The following TMEM255A variants were observed in gnomAD, a reference collection of about 807,000 sequenced individuals.
The protein encoded by TMEM255A is transmembrane protein 255A, also known as family with sequence similarity 70, member A.
TMEM255A carries 14 observed loss-of-function variants against 23.5 expected under a neutral mutation model. The observed-to-expected ratio is 0.60, with a 90% CI of 0.39 to 0.93. TMEM255A has a LOEUF of 0.93. Among genes scored for constraint, TMEM255A ranks in the 40% least tolerant of loss-of-function variants. The pLI is 0.00. For synonymous variants in TMEM255A, 104 were observed against 100.3 expected, an observed-to-expected ratio of 1.04 and a Z score of -0.22; for missense variants, 233 against 261.7, an observed-to-expected ratio of 0.89 and a Z score of 0.76.
At chrX:120,287,782 G>A (rs1447861578) in intron 4 of TMEM255A, among the ~76,000 whole-genome samples, 7 of 111,803 alleles carry the variant, frequency 6.3e-5, no homozygotes, top group Non-Finnish European at 1.1e-4. Flanking sequence ...TGAACTGTGA[G>A]CCATTTTCAC....
intron 2 of TMEM255A, among the ~76,000 whole-genome samples, chrX:120,299,228 C>T (rs913967014): frequency 1.1e-4 from 12 of 112,149 alleles, no homozygotes; most frequent in Non-Finnish European, 1.9e-5. Context: ...ACTCTAGCCT[C>T]GAACTCCTGG....
chrX:120,305,252 T>G (rs2058056862), intron 1 of TMEM255A, among the ~76,000 whole-genome samples: 1 of 111,514 alleles, frequency 9.0e-6, no homozygotes, highest in African/African-American at 3.3e-5. Context: ...CAAACCAATA[T>G]TTTTTTGAAA....
At chrX:120,265,919 T>C (rs1279134828) in intron 8 of TMEM255A, among the ~76,000 whole-genome samples, 2 of 98,619 alleles carry the variant, frequency 2.0e-5, no homozygotes, top group African/African-American at 7.7e-5. Context: ...CCGAGGCGGG[T>C]GAATCACGAG....
intron 2 of TMEM255A, 138 bp downstream of exon 2, chrX:120,304,211 A>G (rs924612500): frequency 3.0e-6 from 2 of 669,590 alleles, no homozygotes; most frequent in Non-Finnish European, 4.5e-6. Flanking sequence ...TTGCCTCTCC[A>G]CATAAATATA....
At chrX:120,288,940 T>C (rs2057895510) in intron 4 of TMEM255A, among the ~76,000 whole-genome samples, 1 of 111,575 alleles carries the variant, frequency 9.0e-6, no homozygotes, top group South Asian at 3.8e-4. Context: ...AGGAAAGAAA[T>C]ATGAGACAAA....
chrX:120,272,799 T>C (rs1194906495), intron 7 of TMEM255A, among the ~76,000 whole-genome samples: 1 of 101,532 alleles, frequency 9.8e-6, no homozygotes, highest in African/African-American at 3.8e-5. Context: ...TGGAGTGCAA[T>C]GGCACGATCT....
At chrX:120,277,143 C>T in intron 6 of TMEM255A, 96 bp from the exon 7 acceptor site, 1 of 739,535 alleles carries the variant, frequency 1.4e-6, no homozygotes, top group African/African-American at 2.1e-5. Context: ...CCATACAGCT[C>T]AGTGAAAAGA....
downstream of TMEM255A, chrX:120,256,068 A>G (rs1461455254): frequency 2.4e-5 from 3 of 123,241 alleles, no homozygotes; most frequent in Non-Finnish European, 5.6e-5. Context: ...TTTCATTGCC[A>G]TAGTCTGTAA....
intron 2 of TMEM255A, among the ~76,000 whole-genome samples, chrX:120,298,025 C>T (rs1313239617): frequency 9.0e-6 from 1 of 110,785 alleles, no homozygotes; most frequent in Admixed American, 9.6e-5. Flanking sequence ...ATGTTCAGAC[C>T]TTTGGACCTC....
At chrX:120,266,891 G>A (rs782820645) in intron 8 of TMEM255A, among the ~76,000 whole-genome samples, 53 of 112,254 alleles carry the variant, frequency 4.7e-4, no homozygotes, top group Non-Finnish European at 8.3e-4. Flanking sequence ...AGTTACCTGA[G>A]TTGTCTACCT....
downstream of TMEM255A, chrX:120,254,923 A>T: frequency 8.2e-7 from 1 of 1,212,191 alleles, no homozygotes. Context: ...AAAAGGTCAT[A>T]TGTCTGTCTG....
At chrX:120,277,666 C>A (rs2057808602) in intron 6 of TMEM255A, among the ~76,000 whole-genome samples, 1 of 112,226 alleles carries the variant, frequency 8.9e-6, no homozygotes. Context: ...TTGCCCAAGT[C>A]GTAAGTGGTA....
chrX:120,279,661 C>T (rs782536883), intron 6 of TMEM255A, among the ~76,000 whole-genome samples: 1 of 112,469 alleles, frequency 8.9e-6, no homozygotes, highest in Admixed American at 9.4e-5. Flanking sequence ...AGACTGTGTT[C>T]GAATCCTGGC....
At chrX:120,297,602 G>T (rs1192315120) in intron 2 of TMEM255A, among the ~76,000 whole-genome samples, 3 of 111,001 alleles carry the variant, frequency 2.7e-5, no homozygotes, top group Non-Finnish European at 3.8e-5. Context: ...TATGGAGTTT[G>T]GTGGAATTCA....
Position 120,304,419 on chromosome X carries a change from A to G in TMEM255A, c.131T>C (p.Leu44Pro). 1 of 1,210,814 alleles carries G rather than the reference A, an allele frequency of 8.3e-7. No homozygotes were observed. The highest frequency in any genetic ancestry group is 1.1e-6 in the Non-Finnish European group (1 of 894,591). Residue 44 changes from leucine (L) to proline (P), a missense_variant, in exon 2 of 9, where the codon CTC (leucine) becomes CCC (proline). By Grantham distance (98) the Leu-to-Pro change is moderately conservative (BLOSUM62 -3). Coordinates refer to ENST00000371369, the MANE Select transcript of TMEM255A (RefSeq NM_001104544.3). ...GGTGGTTGCAGCAAGGCCCACTGTG[A>G]GAATTAACACGGACACAATAAGCAA... ...VTLLIVSVLI[L>P]TVGLAATTRT...
chrX:120,279,171 T>A (rs2057820509), intron 6 of TMEM255A, among the ~76,000 whole-genome samples: 1 of 111,944 alleles, frequency 8.9e-6, no homozygotes, highest in Non-Finnish European at 1.9e-5. Flanking sequence ...GACAGAGTCT[T>A]ACTATATTGG....
chrX:120,254,314 A>C (rs782615872), downstream of TMEM255A: 13 of 1,212,036 alleles, frequency 1.1e-5, no homozygotes, highest in South Asian at 2.3e-4. Flanking sequence ...TCACTTCCAA[A>C]TCATATGCCC....
At chrX:120,279,994 CTTTCTTTT>C in intron 6 of TMEM255A, among the ~76,000 whole-genome samples, 1 of 58,889 alleles carries the variant, frequency 1.7e-5, no homozygotes, top group South Asian at 1.1e-3. Flanking sequence ...CTTTCCTTTT[CTTTCTTTT>C]TTTTTTTTTT....
intron 6 of TMEM255A, among the ~76,000 whole-genome samples, chrX:120,281,450 G>T (rs1387798004): frequency 8.9e-6 from 1 of 112,207 alleles, no homozygotes; most frequent in African/African-American, 3.2e-5. Flanking sequence ...AGGGCCTGGA[G>T]CACTCACCAA....
Sources: gnomAD v4.1 joint callset for allele counts (sites outside exome capture counted in the v4.1 genomes callset) on GRCh38, gnomAD v4.1.1 for gene constraint, MANE v1.5 for transcripts, NCBI Gene and HGNC (gene_info 2026-07-23, HGNC 2026-07-21) for gene names.